The following PCDHA6 variants were observed in gnomAD, a reference collection of about 807,000 sequenced individuals.
PCDHA6 encodes the protein protocadherin alpha 6, also known as protocadherin alpha-6.
PCDHA6 carries 55 observed loss-of-function variants against 60.3 expected under a neutral mutation model. That is an observed-to-expected ratio of 0.91 (90% CI 0.73 to 1.14). The LOEUF is 1.14. Ranked by LOEUF, PCDHA6 falls within the 50% of genes most tolerant of loss-of-function variation. The pLI, the probability that PCDHA6 is intolerant of heterozygous loss-of-function variation, is 0.00. For synonymous variants in PCDHA6, 652 were observed against 557.9 expected (o/e 1.17, Z -2.38); for missense variants, 1,327 against 1,256.5 (o/e 1.06, Z -0.85).
chr5:140,961,247 C>T (rs527974851), intron 1 of PCDHA6, among the ~76,000 whole-genome samples: 6 of 152,070 alleles, frequency 3.9e-5, no homozygotes, highest in East Asian at 1.9e-4. Flanking sequence ...GGAATTTATC[C>T]GAAGCTCCAG....
intron 1 of PCDHA6, among the ~76,000 whole-genome samples, chr5:140,952,560 C>T (rs536018099): frequency 5.2e-4 from 79 of 152,304 alleles, no homozygotes; most frequent in Non-Finnish European, 1.0e-3. Context: ...TCACTATCAG[C>T]ACTTCGGTCC....
intron 1 of PCDHA6, chr5:140,836,221 C>A (rs2150255716): frequency 1.2e-6 from 2 of 1,613,684 alleles, no homozygotes; most frequent in Non-Finnish European, 1.7e-6. Context: ...GAGTTGCAAC[C>A]GGTGGCGGCC....
intron 1 of PCDHA6, chr5:140,852,597 C>A (rs1410004907): frequency 2.6e-5 from 23 of 879,650 alleles, no homozygotes; most frequent in Non-Finnish European, 2.9e-5. Flanking sequence ...TTTTTTTTGT[C>A]ATTTTCTTTC....
At position 140,843,162 on chromosome 5, in the gene PCDHA6, C is replaced by G; in HGVS notation, c.2394+12677C>G. 1.9e-6 allele frequency: 3 copies of G among 1,596,122 alleles called. 1 individual carries two copies. The highest frequency in any genetic ancestry group is 2.6e-6 in the Non-Finnish European group (3 of 1,165,610). ...TGGCTTTCGTATGAGCTGCAGCCAG[C>G]TGCAAGCAGCCCTCGCATCCCGTTC... On this transcript the variant is annotated intron_variant, in intron 1 of 3. Coordinates refer to ENST00000529310, the MANE Select transcript of PCDHA6 (RefSeq NM_018909.4).
chr5:140,830,644 T>G, intron 1 of PCDHA6, 159 bp downstream of exon 1: 1 of 475,478 alleles, frequency 2.1e-6, no homozygotes, highest in Non-Finnish European at 3.4e-6. Context: ...TCTTTGCTTC[T>G]TTAATATTCA....
chr5:140,856,885 A>G, intron 1 of PCDHA6: 2 of 1,596,608 alleles, frequency 1.3e-6, no homozygotes, highest in Non-Finnish European at 1.7e-6. Context: ...TGATGTATTC[A>G]TTTAGCTCTT....
chr5:140,961,234 G>A (rs2095598781), intron 1 of PCDHA6, among the ~76,000 whole-genome samples: 1 of 152,180 alleles, frequency 6.6e-6, no homozygotes, highest in South Asian at 2.1e-4. Context: ...CCAAAAAGGT[G>A]ATGGAATTTA....
rs2150198335 is a variant in PCDHA6 at position 140,831,925 on chromosome 5, C to G, written c.2394+1440C>G. Among the ~76,000 whole-genome samples, 3 of 152,254 alleles carry G rather than the reference C, an allele frequency of 2.0e-5. No individual in the cohort carries two copies. In the South Asian group the frequency reaches 6.2e-4, roughly 32 times the overall value. On this transcript the variant is annotated intron_variant, in intron 1 of 3. Transcript: ENST00000529310. ...TAGCAAGTGCTTAAAAAATTTGCTACTAGTTTTCCGAAGAGGAAAAGAAAA... is the reference window on the plus strand; with the variant it reads ...TAGCAAGTGCTTAAAAAATTTGCTAGTAGTTTTCCGAAGAGGAAAAGAAAA...
rs143182337 is a variant in PCDHA6 at position 140,938,958 on chromosome 5, G to A, written c.2395-39991G>A. On this transcript the variant is annotated intron_variant, in intron 1 of 3. Coordinates refer to ENST00000529310, the MANE Select transcript of PCDHA6 (RefSeq NM_018909.4). ...TTTCCATTCTTATAATGCTCTAGTC[G>A]GAGTTTGGCATCAAGGCTATCCTGG... 3.2e-3 allele frequency among the ~76,000 whole-genome samples: 486 copies of A among 152,204 alleles called. 2 individuals carry two copies. Among genetic ancestry groups the A allele is most frequent in the Middle Eastern group, 0.014 (4 of 294 alleles).
chr5:140,836,263 A>T, intron 1 of PCDHA6: 3 of 1,613,768 alleles, frequency 1.9e-6, no homozygotes, highest in Non-Finnish European at 2.5e-6. Flanking sequence ...GTGGGGCTGT[A>T]CACTGGTGAG....
rs73793505 is a variant in PCDHA6, at chr5:140,858,470, T to C, written c.2394+27985T>C. The C allele has an allele frequency of 3.2e-3, 4,807 of 1,519,778 alleles. 358 individuals are homozygous for C. In the African/African-American group the frequency reaches 0.058, roughly 18 times the overall value. 94.1% of individuals were successfully genotyped at this position (1,519,778 alleles called of 1,614,324 possible). A position where few individuals can be genotyped will look rare whatever the true frequency, so the allele number is the denominator to read the frequency against. On this transcript the variant is annotated intron_variant, in intron 1 of 3. Transcript: ENST00000529310. ...TTACGTTTTCATTTTCCTTTTGTGC[T>C]TTATGAATAATATTTTCTCTTACCG...
At chr5:140,902,530 G>C (rs569387885) in intron 1 of PCDHA6, among the ~76,000 whole-genome samples, 1 of 152,026 alleles carries the variant, frequency 6.6e-6, no homozygotes, top group African/African-American at 2.4e-5. Flanking sequence ...TTATTATGTT[G>C]AGGTATGTTC....
At chr5:140,926,564 A>T in intron 1 of PCDHA6, 1 of 243,746 alleles carries the variant, frequency 4.1e-6, no homozygotes, top group Non-Finnish European at 7.8e-6. Flanking sequence ...GCCCGCTGCT[A>T]CTGGAGACAG....
chr5:140,900,015 A>C (rs2067686381), intron 1 of PCDHA6, among the ~76,000 whole-genome samples: 1 of 151,940 alleles, frequency 6.6e-6, no homozygotes, highest in African/African-American at 2.4e-5. Context: ...TCACTTTGTT[A>C]CCCAGTTTGG....
At chr5:140,841,138 C>A (rs782232195) in intron 1 of PCDHA6, 1 of 713,754 alleles carries the variant, frequency 1.4e-6, no homozygotes, top group Non-Finnish European at 2.3e-6. Flanking sequence ...TTTGAAGCCA[C>A]ATGATGTCGC....
At chr5:140,959,090 G>A (rs797041561) in intron 1 of PCDHA6, among the ~76,000 whole-genome samples, 2 of 151,986 alleles carry the variant, frequency 1.3e-5, no homozygotes, top group African/African-American at 2.4e-5. Flanking sequence ...CCTTGGTTTC[G>A]GACATTCAGC....
At chr5:140,980,837 A>T (rs1189348118) in intron 2 of PCDHA6, among the ~76,000 whole-genome samples, 1 of 152,160 alleles carries the variant, frequency 6.6e-6, no homozygotes, top group Non-Finnish European at 1.5e-5. Context: ...TGTGAACCTA[A>T]ATAATACTAA....
Position 140,979,061 on chromosome 5 carries a change from A to G in PCDHA6, c.2453+54A>G, listed in dbSNP as rs374803810. 155 of 1,605,246 alleles carry G rather than the reference A, an allele frequency of 9.7e-5. No individual in the cohort carries two copies. The African/African-American group carries it at 1.8e-3, about 19-fold the overall frequency. On this transcript the variant is annotated intron_variant, in intron 2 of 3. Coordinates refer to ENST00000529310, the MANE Select transcript of PCDHA6 (RefSeq NM_018909.4). ...AAGTAACCTTAACTTGGTATGGCTC[A>G]GATAAACTGCATCTCCATAGGCCAG...
At position 140,835,886 on chromosome 5, in the gene PCDHA6, G is replaced by T. The variant is rs1183512745; in HGVS notation, c.2394+5401G>T. On this transcript the variant is annotated intron_variant, in intron 1 of 3. Coordinates refer to ENST00000529310, the MANE Select transcript of PCDHA6 (RefSeq NM_018909.4). Reference sequence around the variant, plus strand: ...CGCTGGTGGAGCTGCGGGTGGGCGAGCGCGCGCTGTCGAGCTACGTGTCAG... The same window carrying T: ...CGCTGGTGGAGCTGCGGGTGGGCGATCGCGCGCTGTCGAGCTACGTGTCAG... 1 of 1,611,834 alleles carries T rather than the reference G, an allele frequency of 6.2e-7. No homozygotes were observed. Among genetic ancestry groups the T allele is most frequent in the Admixed American group, 1.7e-5 (1 of 59,978 alleles).
Sources: allele counts gnomAD v4.1 joint callset (sites outside exome capture counted in the v4.1 genomes callset), GRCh38; gene constraint gnomAD v4.1.1; transcripts MANE v1.5; gene names NCBI Gene and HGNC (gene_info 2026-07-23, HGNC 2026-07-21).